Variants in ANO4 observed in about 807,000 individuals in gnomAD.
ANO4 encodes the protein anoctamin-4.
In ANO4, 69 loss-of-function variants were observed where a neutral mutation model predicts 141.9. The observed-to-expected ratio is 0.49, with a 90% CI of 0.40 to 0.59. The LOEUF is 0.59. Among genes scored for constraint, ANO4 ranks in the 20% least tolerant of loss-of-function variants. The pLI, the probability that ANO4 is intolerant of heterozygous loss-of-function variation, is 0.00. For missense variants in ANO4, 894 were observed against 1,162.2 expected, an observed-to-expected ratio of 0.77 and a Z score of 3.36; for synonymous variants, 350 against 394.3, an observed-to-expected ratio of 0.89 and a Z score of 1.33.
rs912713372 is a variant in ANO4, at chr12:100,869,500, G to A, written c.-140-32146G>A. 5.3e-5 allele frequency among the ~76,000 whole-genome samples: 8 copies of A among 152,120 alleles called. No homozygotes were observed. The South Asian group carries it at 1.2e-3, about 24-fold the overall frequency. The stretch of plus-strand genomic sequence containing the variant: ...GGGTTCGAAGTTTTCATATTTGTCC[G>A]TGTCTGCCCAAATGATCGCAATCCA... On this transcript the variant is annotated intron_variant, in intron 1 of 27. Transcript: ENST00000392977.
chr12:100,804,891 T>G (rs188792072), intron 1 of ANO4, among the ~76,000 whole-genome samples: 7 of 151,890 alleles, frequency 4.6e-5, no homozygotes, highest in African/African-American at 1.4e-4. Flanking sequence ...TTTTCTCCCA[T>G]TCTGTAGGTT....
At chr12:100,871,026 T>C (rs922474444) in intron 1 of ANO4, among the ~76,000 whole-genome samples, 3 of 152,220 alleles carry the variant, frequency 2.0e-5, no homozygotes, top group South Asian at 2.1e-4. Flanking sequence ...GTGTCACTTA[T>C]ACCTCTTAAC....
At chr12:101,039,563 G>A (rs1447577545) in intron 10 of ANO4, among the ~76,000 whole-genome samples, 1 of 152,146 alleles carries the variant, frequency 6.6e-6, no homozygotes, top group Non-Finnish European at 1.5e-5. Flanking sequence ...TAAGCCTTGG[G>A]CATGGCCCCT....
In ANO4 at chr12:101,109,601, C is replaced by T. The variant is rs1315783464; in HGVS notation, c.2150-803C>T. ...ACAAAACAAACAAAAAAGATGTTTTCCAGGTTCCTCTGCTAAAAAGTTTCT... is the reference window on the plus strand; with the variant it reads ...ACAAAACAAACAAAAAAGATGTTTTTCAGGTTCCTCTGCTAAAAAGTTTCT... On this transcript the variant is annotated intron_variant, in intron 22 of 27. Coordinates refer to ENST00000392977, the MANE Select transcript of ANO4 (RefSeq NM_001286615.2). 6.6e-5 allele frequency among the ~76,000 whole-genome samples: 10 copies of T among 152,160 alleles called. No individual in the cohort carries two copies. In the South Asian group the frequency reaches 2.1e-3, roughly 32 times the overall value.
At chr12:100,860,028 T>TA (rs2038389247) in intron 1 of ANO4, among the ~76,000 whole-genome samples, 1 of 152,166 alleles carries the variant, frequency 6.6e-6, no homozygotes, top group African/African-American at 2.4e-5. Flanking sequence ...AACCCCTTGG[T>TA]AGCTACTGGG....
chr12:100,929,260 C>A (rs530545509), intron 3 of ANO4, among the ~76,000 whole-genome samples: 1 of 152,192 alleles, frequency 6.6e-6, no homozygotes, highest in East Asian at 1.9e-4. Flanking sequence ...CCCCACCTCC[C>A]TTCCGCTCTA....
rs749550498 is a variant in ANO4, at chr12:100,765,690, CA to C, written c.358+25599del. On this transcript the variant is annotated intron_variant, in intron 3 of 29. Coordinates refer to the ANO4 transcript ENST00000644049. ...CACGCCTGGCCTTTGTTTATGTTTT[CA>C]AAAAAAAAAAAAAGAGTTCTTAGAT... is the stretch of plus-strand genomic sequence containing the variant. Among the ~76,000 whole-genome samples the C allele has an allele frequency of 6.5e-3, 777 of 119,788 alleles. 5 individuals are homozygous for C. Among genetic ancestry groups the C allele is most frequent in the Middle Eastern group, 0.013 (3 of 226 alleles). The allele number at this position is 119,788 out of a possible 152,430, so 78.6% of individuals were successfully genotyped here.
chr12:100,823,010 G>A (rs2036136641), intron 1 of ANO4, among the ~76,000 whole-genome samples: 1 of 151,844 alleles, frequency 6.6e-6, no homozygotes, highest in Non-Finnish European at 1.5e-5. Flanking sequence ...CTAAAGAAAT[G>A]TAACCTCAAC....
At chr12:101,051,571 AAC>A (rs1356846070) in intron 14 of ANO4, among the ~76,000 whole-genome samples, 1 of 152,250 alleles carries the variant, frequency 6.6e-6, no homozygotes, top group African/African-American at 2.4e-5. Context: ...CAACAATATT[AAC>A]AGTTATATTA....
At chr12:100,861,862 G>A (rs1447393466) in intron 1 of ANO4, among the ~76,000 whole-genome samples, 2 of 151,202 alleles carry the variant, frequency 1.3e-5, no homozygotes, top group East Asian at 1.9e-4. Context: ...AACTTTCTTT[G>A]TTAAGAACTA....
At chr12:100,907,789 A>G (rs983755683) in intron 2 of ANO4, among the ~76,000 whole-genome samples, 2 of 152,008 alleles carry the variant, frequency 1.3e-5, no homozygotes, top group Non-Finnish European at 2.9e-5. Context: ...ATGATACTCA[A>G]CTTCTTTACC....
At chr12:101,007,664 G>A (rs2045925786) in intron 8 of ANO4, among the ~76,000 whole-genome samples, 1 of 152,088 alleles carries the variant, frequency 6.6e-6, no homozygotes, top group Non-Finnish European at 1.5e-5. Context: ...CAACCAATAA[G>A]ATATAACCTA....
chr12:100,725,980 C>T (rs538459983), intron 1 of ANO4, among the ~76,000 whole-genome samples: 2 of 152,248 alleles, frequency 1.3e-5, no homozygotes, highest in South Asian at 2.1e-4. Flanking sequence ...GCAATCTGAG[C>T]GGTCACCCCT....
intron 1 of ANO4, among the ~76,000 whole-genome samples, chr12:100,881,149 C>A (rs1455746461): frequency 7.5e-5 from 7 of 93,010 alleles, no homozygotes; most frequent in African/African-American, 2.9e-4. Context: ...TGGGGGGAGG[C>A]GGGAGGGATA....
At chr12:100,882,125 C>G (rs898460244) in intron 1 of ANO4, among the ~76,000 whole-genome samples, 1 of 152,170 alleles carries the variant, frequency 6.6e-6, no homozygotes, top group Non-Finnish European at 1.5e-5. Context: ...TATTGCTACT[C>G]TGTGCTAGGC....
intron 23 of ANO4, among the ~76,000 whole-genome samples, chr12:101,110,871 A>G (rs954766492): frequency 6.6e-6 from 1 of 152,160 alleles, no homozygotes; most frequent in Admixed American, 6.5e-5. Flanking sequence ...TAGATCTTCC[A>G]TTTGCTTAAC....
At chr12:101,116,540 A>G (rs2050860037) in intron 24 of ANO4, 139 bp from the exon 25 acceptor site, 8 of 1,239,896 alleles carry the variant, frequency 6.5e-6, no homozygotes, top group Admixed American at 3.7e-5. Context: ...GCGTATCCCA[A>G]CCTGAGTCCT....
intron 1 of ANO4, among the ~76,000 whole-genome samples, chr12:100,819,354 TAGATAGGAA>T (rs1273851088): frequency 1.3e-5 from 2 of 151,806 alleles, no homozygotes; most frequent in East Asian, 3.9e-4. Flanking sequence ...ACCAGCAATA[TAGATAGGAA>T]AGGGGAAAAG....
rs748666892 is a variant in ANO4 at position 100,988,872 on chromosome 12, G to GAAAAA, written c.734+1214_734+1218dup. Among the ~76,000 whole-genome samples the GAAAAA allele has an allele frequency of 3.4e-4, 22 of 65,026 alleles. 4 individuals carry two copies. Among genetic ancestry groups the GAAAAA allele is most frequent in the East Asian group, 7.7e-4 (2 of 2,592 alleles). 42.7% of individuals were successfully genotyped at this position (65,026 alleles called of 152,430 possible). A position where few individuals can be genotyped will look rare whatever the true frequency, so the allele number is the denominator to read the frequency against. ...GGTGACAGAGTGAGACTCTGTCTCA[G>GAAAAA]AAAAAAAAAAAAAAAAGAAAGAAAA... On this transcript the variant is annotated intron_variant, in intron 8 of 27. Coordinates refer to ENST00000392977, the MANE Select transcript of ANO4 (RefSeq NM_001286615.2).
Sources: gnomAD v4.1 joint callset for allele counts (sites outside exome capture counted in the v4.1 genomes callset) on GRCh38, gnomAD v4.1.1 for gene constraint, MANE v1.5 for transcripts, NCBI Gene and HGNC (gene_info 2026-07-23, HGNC 2026-07-21) for gene names.